Variants in LRP1B observed in about 807,000 individuals in gnomAD.
LRP1B encodes low-density lipoprotein receptor-related protein 1B.
A neutral mutation model predicts 556.6 loss-of-function variants in LRP1B; 217 were observed. That is an observed-to-expected ratio of 0.39 (90% CI 0.35 to 0.44). The LOEUF is 0.44. LRP1B is among the 20% of genes least tolerant of loss of function. LRP1B has a pLI of 1.00. For missense variants in LRP1B, 5,053 were observed against 5,620.8 expected (o/e 0.90, Z 3.23); for synonymous variants, 2,047 against 1,865.8 (o/e 1.10, Z -2.50).
chr2:140,859,082 A>T lies in LRP1B; in HGVS notation c.4580-7299T>A, dbSNP rs570560100. 1.4e-4 allele frequency among the ~76,000 whole-genome samples: 21 copies of T among 152,244 alleles called. No individual in the cohort carries two copies. The South Asian group carries it at 4.1e-3, about 30-fold the overall frequency. ...TGATTTGCCTGCTTCGGCCTCCCAA[A>T]GTGCTGGGTTTACCAGTGTCAGCCA... On this transcript the variant is annotated intron_variant, in intron 27 of 90. Transcript: ENST00000389484.
At chr2:140,523,476 A>G (rs1358887671) in intron 49 of LRP1B, among the ~76,000 whole-genome samples, 1 of 151,976 alleles carries the variant, frequency 6.6e-6, no homozygotes, top group Non-Finnish European at 1.5e-5. Flanking sequence ...GATCTGGAAC[A>G]AAACAAGGAT....
intron 1 of LRP1B, among the ~76,000 whole-genome samples, chr2:142,122,745 A>G (rs982617662): frequency 2.6e-5 from 4 of 152,078 alleles, no homozygotes; most frequent in Non-Finnish European, 5.9e-5. Context: ...TGGTGTCATT[A>G]TCACTGTACT....
At chr2:141,727,832 C>T (rs955886912) in intron 2 of LRP1B, among the ~76,000 whole-genome samples, 1 of 151,892 alleles carries the variant, frequency 6.6e-6, no homozygotes, top group East Asian at 1.9e-4. Context: ...TATACACACA[C>T]ATATATATAT....
chr2:141,335,401 C>T (rs2683855), intron 3 of LRP1B, among the ~76,000 whole-genome samples: 88,268 of 152,006 alleles, frequency 0.58, 26,554 homozygotes, highest in African/African-American at 0.68. Flanking sequence ...AAAAAGACCA[C>T]TAATTTGGCA....
chr2:140,257,079 T>C (rs1681727434), intron 86 of LRP1B, among the ~76,000 whole-genome samples: 1 of 152,114 alleles, frequency 6.6e-6, no homozygotes, highest in Admixed American at 6.5e-5. Context: ...CTATTTTTTA[T>C]TCTTAAGCAA....
At chr2:140,421,390 A>T (rs1685436018) in intron 66 of LRP1B, among the ~76,000 whole-genome samples, 1 of 152,214 alleles carries the variant, frequency 6.6e-6, no homozygotes, top group Non-Finnish European at 1.5e-5. Context: ...ACTATATAAT[A>T]TTGGCCGGAA....
intron 87 of LRP1B, among the ~76,000 whole-genome samples, chr2:140,246,480 C>G (rs567142918): frequency 2.7e-5 from 4 of 150,926 alleles, no homozygotes; most frequent in African/African-American, 9.7e-5. Flanking sequence ...TGATATAGAC[C>G]CACAACGATG....
At chr2:142,088,099 T>A (rs1359752130) in intron 1 of LRP1B, among the ~76,000 whole-genome samples, 1 of 152,086 alleles carries the variant, frequency 6.6e-6, no homozygotes, top group Non-Finnish European at 1.5e-5. Flanking sequence ...TTAATATAAT[T>A]GAAAATATTT....
At chr2:140,637,029 A>T (rs1684093548) in intron 41 of LRP1B, among the ~76,000 whole-genome samples, 1 of 152,186 alleles carries the variant, frequency 6.6e-6, no homozygotes, top group African/African-American at 2.4e-5. Context: ...AGTTTATTTT[A>T]TTAATGGCTT....
intron 35 of LRP1B, among the ~76,000 whole-genome samples, chr2:140,719,693 G>A (rs1183902672): frequency 5.3e-5 from 8 of 151,906 alleles, no homozygotes; most frequent in Admixed American, 5.3e-4. Flanking sequence ...TCTCTAAATG[G>A]TCAAGACCAT....
chr2:140,888,019 T>A (rs569508812), intron 23 of LRP1B, among the ~76,000 whole-genome samples: 2 of 152,164 alleles, frequency 1.3e-5, no homozygotes, highest in Non-Finnish European at 2.9e-5. Context: ...TCTTATGGTA[T>A]GTAAATTATA....
intron 6 of LRP1B, among the ~76,000 whole-genome samples, chr2:141,194,964 AAATT>A (rs1176629670): frequency 1.3e-5 from 2 of 152,246 alleles, no homozygotes; most frequent in East Asian, 1.9e-4. Flanking sequence ...CCAAAACAAT[AAATT>A]AATAAGATAT....
At chr2:140,718,601 A>G (rs1475222737) in intron 35 of LRP1B, among the ~76,000 whole-genome samples, 2 of 152,022 alleles carry the variant, frequency 1.3e-5, no homozygotes, top group African/African-American at 4.8e-5. Context: ...ATAAGTTAGA[A>G]TGGAGAAATT....
intron 41 of LRP1B, among the ~76,000 whole-genome samples, chr2:140,689,421 T>C (rs1256587267): frequency 6.6e-6 from 1 of 152,234 alleles, no homozygotes; most frequent in Non-Finnish European, 1.5e-5. Context: ...ACCACGTGGC[T>C]GCACTGGAGT....
intron 1 of LRP1B, among the ~76,000 whole-genome samples, chr2:142,118,516 G>A (rs2105008569): frequency 6.6e-6 from 1 of 152,216 alleles, no homozygotes; most frequent in Admixed American, 6.5e-5. Context: ...AACTGTGAGT[G>A]TGCAGTCAGT....
At position 141,464,606 on chromosome 2, in the gene LRP1B, A is replaced by ATATATATTTTTT; in HGVS notation, c.343+15789_343+15790insAAAAAATATATA. ...TTTGTATATATATATATATATATAT[A>ATATATATTTTTT]TTTTTTTAGTAGAGATGGGGTTTCA... On this transcript the variant is annotated intron_variant, in intron 3 of 90. Coordinates refer to ENST00000389484, the MANE Select transcript of LRP1B (RefSeq NM_018557.3). Among the ~76,000 whole-genome samples the ATATATATTTTTT allele has an allele frequency of 1.8e-3, 165 of 90,520 alleles. 3 individuals carry two copies. The highest frequency in any genetic ancestry group is 5.8e-3 in the African/African-American group (136 of 23,356). 59.4% of individuals were successfully genotyped at this position (90,520 alleles called of 152,430 possible).
At position 141,859,616 on chromosome 2, in the gene LRP1B, C is replaced by A. The variant is rs528854707; in HGVS notation, c.83-49215G>T. On this transcript the variant is annotated intron_variant, in intron 1 of 90. Coordinates refer to ENST00000389484, the MANE Select transcript of LRP1B (RefSeq NM_018557.3). The stretch of plus-strand genomic sequence containing the variant: ...GGAAACTATAGCTAACAATAATGCA[C>A]TGTATATTTCAAATGGCTAGAAGAA... 3.3e-4 allele frequency among the ~76,000 whole-genome samples: 51 copies of A among 152,254 alleles called. 2 individuals are homozygous for A. Among genetic ancestry groups the A allele is most frequent in the Middle Eastern group, 6.8e-3 (2 of 294 alleles).
At position 142,053,340 on chromosome 2, in the gene LRP1B, TAGAC is replaced by T. The variant is rs569948908; in HGVS notation, c.82+77304_82+77307del. ...CCAGAGCACACATAGCTATTTCTTG[TAGAC>T]AGTCATTAGGAATAAAAGAGCATAG... On this transcript the variant is annotated intron_variant, in intron 1 of 90. Coordinates refer to ENST00000389484, the MANE Select transcript of LRP1B (RefSeq NM_018557.3). Among the ~76,000 whole-genome samples, 592 of 152,280 alleles carry T rather than the reference TAGAC, an allele frequency of 3.9e-3. 2 individuals are homozygous for T. The highest frequency in any genetic ancestry group is 0.01 in the Middle Eastern group (3 of 294).
At chr2:140,280,739 A>G (rs1682880648) in intron 84 of LRP1B, among the ~76,000 whole-genome samples, 1 of 151,846 alleles carries the variant, frequency 6.6e-6, no homozygotes. Context: ...CCTATTGAGC[A>G]TTCCATCTCA....
Sources: allele counts gnomAD v4.1 joint callset (sites outside exome capture counted in the v4.1 genomes callset), GRCh38; gene constraint gnomAD v4.1.1; transcripts MANE v1.5; gene names NCBI Gene and HGNC (gene_info 2026-07-23, HGNC 2026-07-21).